ARIH2: variants seen among roughly 807,000 people sequenced by gnomAD.
ARIH2 encodes E3 ubiquitin-protein ligase ARIH2.
A neutral mutation model predicts 79.8 loss-of-function variants in ARIH2; 12 were observed. The observed-to-expected ratio is 0.15, with a 90% CI of 0.10 to 0.24. The LOEUF is 0.24. Ranked by LOEUF, ARIH2 falls within the 10% of genes least tolerant of loss-of-function variation. The pLI is 1.00. For missense variants in ARIH2, 301 were observed against 618.3 expected, an observed-to-expected ratio of 0.49 and a Z score of 5.44; for synonymous variants, 224 against 213.9, an observed-to-expected ratio of 1.05 and a Z score of -0.41.
In ARIH2 at chr3:48,983,194, T is replaced by G; in HGVS notation, c.1411-5T>G. 6.2e-7 allele frequency: 1 copy of G among 1,614,254 alleles called. No homozygotes were observed. Among genetic ancestry groups the G allele is most frequent in the Non-Finnish European group, 8.5e-7 (1 of 1,180,048 alleles). The stretch of plus-strand genomic sequence containing the variant: ...GCAAGCACACACCTTGTTTCTCTGA[T>G]GCAGGACTTGGAGAACCAGATGCAT... On this transcript the variant is annotated splice_polypyrimidine_tract_variant and splice_region_variant and intron_variant, in intron 15 of 15. Coordinates refer to ENST00000356401, the MANE Select transcript of ARIH2 (RefSeq NM_006321.4).
At chr3:48,955,665 TAGAA>T (rs1253345154) in intron 3 of ARIH2, among the ~76,000 whole-genome samples, 1 of 152,228 alleles carries the variant, frequency 6.6e-6, no homozygotes, top group African/African-American at 2.4e-5. Context: ...GTTCGTTCCT[TAGAA>T]AGCTCAGCTG....
chr3:48,931,085 A>AT (rs2086289480), intron 3 of ARIH2, among the ~76,000 whole-genome samples: 1 of 152,086 alleles, frequency 6.6e-6, no homozygotes, highest in African/African-American at 2.4e-5. Flanking sequence ...AAAAATTATT[A>AT]TTTAAAAAAA....
chr3:48,937,389 C>A (rs993226688), intron 3 of ARIH2, among the ~76,000 whole-genome samples: 1 of 152,106 alleles, frequency 6.6e-6, no homozygotes, highest in Admixed American at 6.5e-5. Context: ...AGGATTGACC[C>A]TCTACCCCTT....
chr3:48,939,470 A>G (rs2087703487), intron 3 of ARIH2, among the ~76,000 whole-genome samples: 1 of 151,124 alleles, frequency 6.6e-6, no homozygotes, highest in Admixed American at 6.6e-5. Flanking sequence ...ATTTGAAGTA[A>G]TAATTAGCTG....
In ARIH2 at chr3:48,919,015, C is replaced by T. The variant is rs2084315444; in HGVS notation, c.-162+17C>T. ...CAGCTCCCGGTAAGTGCGCGGCGCA[C>T]GTCACGGCCTTGTTTACCTTGGCTG... On this transcript the variant is annotated intron_variant, in intron 1 of 15. Transcript: ENST00000356401. The T allele has an allele frequency of 3.5e-6, 5 of 1,428,216 alleles. No homozygotes were observed. Among genetic ancestry groups the T allele is most frequent in the South Asian group, 1.5e-5 (1 of 66,322 alleles). 88.5% of individuals were successfully genotyped at this position (1,428,216 alleles called of 1,614,324 possible).
chr3:48,959,809 A>T (rs747381274), intron 3 of ARIH2, among the ~76,000 whole-genome samples: 1 of 152,228 alleles, frequency 6.6e-6, no homozygotes, highest in Non-Finnish European at 1.5e-5. Flanking sequence ...GGACTGTAGG[A>T]CAGGAAGGCA....
chr3:48,961,819 C>A, intron 4 of ARIH2, 140 bp downstream of exon 4: 1 of 582,598 alleles, frequency 1.7e-6, no homozygotes, highest in Non-Finnish European at 3.0e-6. Flanking sequence ...TATTTTACAT[C>A]CTCTTCTCTT....
chr3:48,982,420 C>CT (rs1386193952), intron 14 of ARIH2, among the ~76,000 whole-genome samples: 1 of 152,090 alleles, frequency 6.6e-6, no homozygotes, highest in African/African-American at 2.4e-5. Context: ...TCTTTCACTG[C>CT]TATAAATAGG....
Position 48,970,544 on chromosome 3 carries a change from T to C in ARIH2, c.661-51T>C, listed in dbSNP as rs970256924. ...TGAATATTCAGGGGGTTCTGATTTT[T>C]AGACAGCAACTAAGAGATGTCCTCA... On this transcript the variant is annotated intron_variant, in intron 7 of 15. Coordinates refer to ENST00000356401, the MANE Select transcript of ARIH2 (RefSeq NM_006321.4). 4 of 1,280,662 alleles carry C rather than the reference T, an allele frequency of 3.1e-6. No homozygotes were observed. The African/African-American group carries it at 5.9e-5, about 19-fold the overall frequency. The allele number at this position is 1,280,662 out of a possible 1,614,324, so 79.3% of individuals were successfully genotyped here. A position where few individuals can be genotyped will look rare whatever the true frequency, so the allele number is the denominator to read the frequency against.
intron 5 of ARIH2, 49 bp from the exon 6 acceptor site, chr3:48,967,076 C>T (rs200834032): frequency 6.4e-5 from 103 of 1,597,612 alleles, no homozygotes; most frequent in Admixed American, 1.2e-4. Context: ...CCCTTATGGC[C>T]TTCTGGACCT....
rs1360242812 is a variant in ARIH2, at chr3:48,980,527, G to C, written c.1257+31G>C. 1.9e-6 allele frequency: 3 copies of C among 1,609,374 alleles called. No individual in the cohort carries two copies. The East Asian group carries it at 6.7e-5, about 36-fold the overall frequency. ...TACCACTTCACTCATCTTATCCCTGGTCCAGTGCCTGGCTCCGTCAGGCAC... is the reference window on the plus strand; with the variant it reads ...TACCACTTCACTCATCTTATCCCTGCTCCAGTGCCTGGCTCCGTCAGGCAC... On this transcript the variant is annotated intron_variant, in intron 13 of 15. Coordinates refer to ENST00000356401, the MANE Select transcript of ARIH2 (RefSeq NM_006321.4).
intron 9 of ARIH2, among the ~76,000 whole-genome samples, chr3:48,974,179 T>C (rs758342720): frequency 1.4e-4 from 22 of 152,196 alleles, no homozygotes; most frequent in South Asian, 4.1e-4. Flanking sequence ...AGCCCAGACC[T>C]GCACGATACT....
intron 2 of ARIH2, among the ~76,000 whole-genome samples, chr3:48,926,424 C>A (rs1045773646): frequency 6.6e-6 from 1 of 152,024 alleles, no homozygotes; most frequent in South Asian, 2.1e-4. Context: ...CCTGTCACCA[C>A]GCCTGCTTAA....
intron 3 of ARIH2, among the ~76,000 whole-genome samples, chr3:48,947,817 A>G (rs1224743287): frequency 6.6e-6 from 1 of 152,212 alleles, no homozygotes; most frequent in African/African-American, 2.4e-5. Context: ...TATACCATCT[A>G]GATTATATAA....
chr3:48,983,377 G>GTGTCTCTCAGGAGTGGGGCCCT lies in ARIH2; in HGVS notation c.*107_*108insTGTCTCTCAGGAGTGGGGCCCT. 9.4e-7 allele frequency: 1 copy of GTGTCTCTCAGGAGTGGGGCCCT among 1,060,480 alleles called. No individual in the cohort carries two copies. Among genetic ancestry groups the GTGTCTCTCAGGAGTGGGGCCCT allele is most frequent in the Non-Finnish European group, 1.5e-6 (1 of 687,844 alleles). The allele number at this position is 1,060,480 out of a possible 1,614,324, so 65.7% of individuals were successfully genotyped here. On this transcript the variant is annotated 3_prime_UTR_variant, in exon 16 of 16. Transcript: ENST00000356401. The stretch of plus-strand genomic sequence containing the variant: ...CTTTCATGACCCCAGGCAACAGCCA[G>GTGTCTCTCAGGAGTGGGGCCCT]GGCCCCACTCCTGAGAGACACTGGC...
At chr3:48,971,675 C>A (rs2092246881) in intron 8 of ARIH2, among the ~76,000 whole-genome samples, 2 of 152,212 alleles carry the variant, frequency 1.3e-5, no homozygotes, top group Admixed American at 6.5e-5. Context: ...AGAGAAACTA[C>A]ATGGAAAATG....
In ARIH2 at chr3:48,968,137, C is replaced by T. The variant is rs1251254804; in HGVS notation, c.539-397C>T. On this transcript the variant is annotated intron_variant, in intron 6 of 15. Transcript: ENST00000356401. Reference sequence around the variant, plus strand: ...ACAACCACTGCCTCCCGGGTTCAAGCGATTCTCCTGCCTCAGCCTCCTGAG... The same window carrying T: ...ACAACCACTGCCTCCCGGGTTCAAGTGATTCTCCTGCCTCAGCCTCCTGAG... 17 of 172,552 alleles carry T rather than the reference C, an allele frequency of 9.9e-5. No individual in the cohort carries two copies. The South Asian group carries it at 1.7e-3, about 18-fold the overall frequency. 10.7% of individuals were successfully genotyped at this position (172,552 alleles called of 1,614,324 possible).
chr3:48,940,298 A>G (rs2087897238), intron 3 of ARIH2, among the ~76,000 whole-genome samples: 1 of 152,124 alleles, frequency 6.6e-6, no homozygotes. Flanking sequence ...TGAACCCGGG[A>G]GGTGGAGGTT....
At chr3:48,939,926 C>G (rs1576244551) in intron 3 of ARIH2, among the ~76,000 whole-genome samples, 1 of 151,312 alleles carries the variant, frequency 6.6e-6, no homozygotes, top group Non-Finnish European at 1.5e-5. Flanking sequence ...TCCATTACCT[C>G]AAAAAGAAAC....
Sources: allele counts gnomAD v4.1 joint callset (sites outside exome capture counted in the v4.1 genomes callset), GRCh38; gene constraint gnomAD v4.1.1; transcripts MANE v1.5; gene names NCBI Gene and HGNC (gene_info 2026-07-23, HGNC 2026-07-21).